The following NAA25 variants were observed in gnomAD, a reference collection of about 807,000 sequenced individuals.
The protein encoded by NAA25 is N-alpha-acetyltransferase 25, NatB auxiliary subunit, also known as N-terminal acetyltransferase B complex subunit NAA25.
NAA25 carries 30 observed loss-of-function variants against 132.5 expected under a neutral mutation model. That is an observed-to-expected ratio of 0.23 (90% CI 0.17 to 0.31). NAA25 has a LOEUF of 0.31. NAA25 is among the 10% of genes least tolerant of loss of function. The probability of loss-of-function intolerance (pLI) is 1.00; values close to 1 mark genes in which losing one functional copy is unlikely to be tolerated. For synonymous variants in NAA25, 359 were observed against 401.9 expected (o/e 0.89, Z 1.28); for missense variants, 771 against 1,150.4 (o/e 0.67, Z 4.77).
At chr12:112,046,807 A>G (rs79187222) in intron 17 of NAA25, among the ~76,000 whole-genome samples, 2,458 of 152,178 alleles carry the variant, frequency 0.016, 61 homozygotes, top group African/African-American at 0.056. Flanking sequence ...TTATTTTCTT[A>G]TTGACTTATT....
At chr12:112,092,506 A>G (rs1310485572) in intron 2 of NAA25, among the ~76,000 whole-genome samples, 1 of 151,940 alleles carries the variant, frequency 6.6e-6, no homozygotes, top group East Asian at 1.9e-4. Context: ...GCATGCCTGT[A>G]ATCTCAACTA....
Position 112,037,331 on chromosome 12 carries a change from A to T in NAA25, c.2649+1898T>A, listed in dbSNP as rs868728889. On this transcript the variant is annotated intron_variant, in intron 22 of 23. Coordinates refer to ENST00000261745, the MANE Select transcript of NAA25 (RefSeq NM_024953.4). ...ATATATATATATATATTCAAATTGG[A>T]ATATATTCAAATATGTATGAATGGG... Among the ~76,000 whole-genome samples, 841 of 105,788 alleles carry T rather than the reference A, an allele frequency of 7.9e-3. 9 individuals carry two copies. The highest frequency in any genetic ancestry group is 0.026 in the African/African-American group (812 of 30,976). 69.4% of individuals were successfully genotyped at this position (105,788 alleles called of 152,430 possible).
chr12:112,085,433 T>G (rs991552870), intron 4 of NAA25, among the ~76,000 whole-genome samples: 7 of 152,176 alleles, frequency 4.6e-5, no homozygotes, highest in African/African-American at 1.7e-4. Flanking sequence ...GAAGTATATC[T>G]TTTTTGAGGA....
Position 112,030,839 on chromosome 12 carries a change from G to C in NAA25, c.2797-1186C>G, listed in dbSNP as rs1211424487. ...CAAATATAAAGAAACAACCTAAAAT[G>C]TCCAACAGCAGTGGTGCATTTATAT... On this transcript the variant is annotated intron_variant, in intron 23 of 23. Transcript: ENST00000261745. Among the ~76,000 whole-genome samples, 4 of 152,292 alleles carry C rather than the reference G, an allele frequency of 2.6e-5. No individual in the cohort carries two copies. In the South Asian group the frequency reaches 6.2e-4, roughly 24 times the overall value.
intron 11 of NAA25, among the ~76,000 whole-genome samples, chr12:112,063,734 CTATAAA>C (rs2078672539): frequency 1.3e-5 from 2 of 151,980 alleles, no homozygotes; most frequent in Admixed American, 1.3e-4. Flanking sequence ...AAGACTATAA[CTATAAA>C]AATAAATTAT....
chr12:112,063,279 G>C (rs1175840880), intron 11 of NAA25, among the ~76,000 whole-genome samples: 2 of 152,144 alleles, frequency 1.3e-5, no homozygotes, highest in African/African-American at 4.8e-5. Context: ...GGCACCAGGT[G>C]TCCCTAAAGG....
At chr12:112,053,747 C>A (rs2078502277) in intron 14 of NAA25, 90 bp from the exon 15 acceptor site, 88 of 603,002 alleles carry the variant, frequency 1.5e-4, no homozygotes, top group East Asian at 2.2e-4. Context: ...AATTACTTGG[C>A]AAAAAAATAG....
intron 1 of NAA25, among the ~76,000 whole-genome samples, chr12:112,106,734 G>A (rs1222515664): frequency 2.0e-5 from 3 of 151,622 alleles, no homozygotes; most frequent in Admixed American, 6.6e-5. Context: ...AGGCAGGACT[G>A]CTTGAGCTCA....
At chr12:112,043,956 C>G (rs192308381) in intron 17 of NAA25, 88 bp from the exon 18 acceptor site, 925 of 1,332,506 alleles carry the variant, frequency 6.9e-4, no homozygotes, top group Middle Eastern at 1.8e-3. Context: ...GAGACAGAGT[C>G]TTGATCTGTC....
chr12:112,093,030 C>G, intron 2 of NAA25, 21 bp downstream of exon 2: 1 of 1,562,088 alleles, frequency 6.4e-7, no homozygotes, highest in Non-Finnish European at 8.8e-7. Flanking sequence ...AGGTAAGTAA[C>G]TGAAGGGCAA....
At chr12:112,055,675 C>T (rs749805603) in intron 13 of NAA25, among the ~76,000 whole-genome samples, 1 of 149,818 alleles carries the variant, frequency 6.7e-6, no homozygotes, top group Non-Finnish European at 1.5e-5. Context: ...CACTGCACTC[C>T]AACCTTGGCA....
chr12:112,052,155 GAGTT>G (rs1041787546), intron 15 of NAA25, among the ~76,000 whole-genome samples: 6 of 150,582 alleles, frequency 4.0e-5, no homozygotes, highest in African/African-American at 1.5e-4. Flanking sequence ...TTTTTTTTTT[GAGTT>G]AGTGAAACCT....
chr12:112,058,010 A>T (rs903873752), intron 13 of NAA25, among the ~76,000 whole-genome samples: 3 of 152,080 alleles, frequency 2.0e-5, no homozygotes, highest in Non-Finnish European at 4.4e-5. Flanking sequence ...AGCTAGGCAT[A>T]GTGGCACGTG....
At position 112,062,442 on chromosome 12, in the gene NAA25, G is replaced by T. The variant is rs183613216; in HGVS notation, c.1150-1054C>A. 2.3e-3 allele frequency among the ~76,000 whole-genome samples: 352 copies of T among 151,430 alleles called. 3 individuals carry two copies. Among genetic ancestry groups the T allele is most frequent in the Non-Finnish European group, 3.1e-3 (208 of 67,816 alleles). The stretch of plus-strand genomic sequence containing the variant: ...AGTTATAAAAGAAAAAATAGGCCGG[G>T]TGTGGTGCGCGGTGGCTCACGCCTA... On this transcript the variant is annotated intron_variant, in intron 11 of 23. Coordinates refer to ENST00000261745, the MANE Select transcript of NAA25 (RefSeq NM_024953.4).
chr12:112,088,623 C>CTT (rs58148161), intron 3 of NAA25, among the ~76,000 whole-genome samples: 4 of 132,114 alleles, frequency 3.0e-5, no homozygotes, highest in Admixed American at 7.6e-5. Flanking sequence ...ACAGAAAGTG[C>CTT]TTTTTTTTTT....
intron 15 of NAA25, 138 bp downstream of exon 15, chr12:112,053,420 G>A: frequency 1.6e-6 from 1 of 630,902 alleles, no homozygotes; most frequent in Admixed American, 2.5e-5. Context: ...GCCTTGGACA[G>A]TAAGCTTTGG....
chr12:112,033,514 T>TAC (rs1399417614), intron 22 of NAA25, 135 bp from the exon 23 acceptor site: 2 of 664,008 alleles, frequency 3.0e-6, no homozygotes, highest in Non-Finnish European at 4.6e-6. Context: ...GAATGAATGG[T>TAC]ACTAAAATAA....
intron 4 of NAA25, among the ~76,000 whole-genome samples, chr12:112,083,666 G>T (rs936790594): frequency 6.6e-6 from 1 of 152,124 alleles, no homozygotes; most frequent in Non-Finnish European, 1.5e-5. Context: ...GGTATAAAAT[G>T]AAAAATGTTA....
chr12:112,056,610 C>T (rs1263431269), intron 13 of NAA25, among the ~76,000 whole-genome samples: 1 of 152,162 alleles, frequency 6.6e-6, no homozygotes, highest in Admixed American at 6.5e-5. Flanking sequence ...AACACTCAAT[C>T]CTTTTGAATT....
Sources: gnomAD v4.1 joint callset for allele counts (sites outside exome capture counted in the v4.1 genomes callset) on GRCh38, gnomAD v4.1.1 for gene constraint, MANE v1.5 for transcripts, NCBI Gene and HGNC (gene_info 2026-07-23, HGNC 2026-07-21) for gene names.